NBEA: variants seen among roughly 807,000 people sequenced by gnomAD.
NBEA encodes the protein lysosomal-trafficking regulator 2.
NBEA carries 44 observed loss-of-function variants against 343.4 expected under a neutral mutation model. The observed-to-expected ratio is 0.13, with a 90% CI of 0.10 to 0.16. NBEA has a LOEUF of 0.16. NBEA is among the 10% of genes least tolerant of loss of function. The pLI is 1.00. For synonymous variants in NBEA, 1,175 were observed against 1,238.7 expected (o/e 0.95, Z 1.08); for missense variants, 2,555 against 3,631.3 (o/e 0.70, Z 7.62).
intron 38 of NBEA, among the ~76,000 whole-genome samples, chr13:35,355,599 A>G (rs2040448584): frequency 6.6e-6 from 1 of 152,074 alleles, no homozygotes; most frequent in Non-Finnish European, 1.5e-5. Flanking sequence ...ACTGAGGGGG[A>G]AAATAAGATC....
chr13:35,246,720 TC>T (rs1483635656), intron 34 of NBEA, among the ~76,000 whole-genome samples: 1 of 152,176 alleles, frequency 6.6e-6, no homozygotes, highest in African/African-American at 2.4e-5. Flanking sequence ...CTGAAGGTCC[TC>T]AGTTGTAGTT....
intron 1 of NBEA, among the ~76,000 whole-genome samples, chr13:35,039,627 A>T (rs1278797206): frequency 6.6e-6 from 1 of 152,360 alleles, no homozygotes; most frequent in East Asian, 1.9e-4. Context: ...TAATAGTGTC[A>T]TAATAGATGT....
intron 38 of NBEA, among the ~76,000 whole-genome samples, chr13:35,386,085 A>G (rs930385434): frequency 3.3e-5 from 5 of 152,128 alleles, no homozygotes; most frequent in African/African-American, 1.2e-4. Context: ...GATAAAATAA[A>G]TATGTTAAAA....
At chr13:35,178,133 A>G (rs556884216) in intron 28 of NBEA, among the ~76,000 whole-genome samples, 2 of 151,846 alleles carry the variant, frequency 1.3e-5, no homozygotes, top group African/African-American at 4.8e-5. Context: ...TCACTATTAA[A>G]TAAACTAAAA....
At chr13:35,529,335 G>A (rs1235793442) in intron 41 of NBEA, among the ~76,000 whole-genome samples, 2 of 152,150 alleles carry the variant, frequency 1.3e-5, no homozygotes, top group African/African-American at 2.4e-5. Context: ...AAGTAAGTGT[G>A]AGTGGGAGTC....
intron 1 of NBEA, among the ~76,000 whole-genome samples, chr13:34,964,688 A>G (rs1396088000): frequency 1.3e-5 from 2 of 151,942 alleles, no homozygotes; most frequent in African/African-American, 4.8e-5. Context: ...GCAGATACCT[A>G]TTTGTGTTTT....
At position 35,089,790 on chromosome 13, in the gene NBEA, C is replaced by G. The variant is rs1156929750; in HGVS notation, c.1572-8507C>G. Among the ~76,000 whole-genome samples the G allele has an allele frequency of 5.6e-4, 84 of 149,876 alleles. 1 individual carries two copies. Among genetic ancestry groups the G allele is most frequent in the Middle Eastern group, 6.8e-3 (2 of 292 alleles). ...ATGGATGAAATTGGAGATCATCATT[C>G]TCAGTAAACTATCACAAGAACAAAA... is the stretch of plus-strand genomic sequence containing the variant. On this transcript the variant is annotated intron_variant, in intron 10 of 58. Transcript: ENST00000379939.
intron 18 of NBEA, among the ~76,000 whole-genome samples, chr13:35,146,891 A>G (rs1593504852): frequency 6.6e-6 from 1 of 152,058 alleles, no homozygotes; most frequent in African/African-American, 2.4e-5. Flanking sequence ...CCCAAAGCCA[A>G]TTTCTGTGGT....
intron 48 of NBEA, among the ~76,000 whole-genome samples, chr13:35,615,430 G>A (rs913254142): frequency 2.0e-5 from 3 of 151,926 alleles, no homozygotes; most frequent in East Asian, 1.9e-4. Context: ...TGCAACCTCC[G>A]CCTCCTGGGT....
intron 43 of NBEA, among the ~76,000 whole-genome samples, chr13:35,552,224 G>A (rs2079361582): frequency 6.6e-6 from 1 of 152,082 alleles, no homozygotes. Context: ...TGAAAGACAG[G>A]GACTGTGTTT....
chr13:34,979,284 C>T (rs2060278356), intron 1 of NBEA, among the ~76,000 whole-genome samples: 1 of 152,126 alleles, frequency 6.6e-6, no homozygotes, highest in African/African-American at 2.4e-5. Flanking sequence ...CTTCGGGAGG[C>T]CAAGGCAGGC....
intron 1 of NBEA, among the ~76,000 whole-genome samples, chr13:34,985,596 A>G (rs958842168): frequency 5.3e-5 from 8 of 150,926 alleles, no homozygotes; most frequent in Non-Finnish European, 1.0e-4. Flanking sequence ...ATTAATTGGA[A>G]TAGTTTCAGA....
chr13:35,194,093 T>C (rs926546319), intron 30 of NBEA, among the ~76,000 whole-genome samples: 1 of 152,004 alleles, frequency 6.6e-6, no homozygotes, highest in African/African-American at 2.4e-5. Flanking sequence ...AAAAGTATTA[T>C]AAATTCACAC....
intron 1 of NBEA, among the ~76,000 whole-genome samples, chr13:34,947,911 G>T (rs530179711): frequency 1.3e-5 from 2 of 152,178 alleles, no homozygotes; most frequent in Non-Finnish European, 2.9e-5. Flanking sequence ...TTACCTGACT[G>T]TGTAGGCATT....
intron 39 of NBEA, among the ~76,000 whole-genome samples, chr13:35,451,546 TCCG>T (rs1165961979): frequency 4.6e-5 from 7 of 152,342 alleles, no homozygotes; most frequent in African/African-American, 1.4e-4. Flanking sequence ...CATTTCTAAC[TCCG>T]CCTTTCTGTA....
chr13:35,269,787 G>A (rs1259789643), intron 34 of NBEA, among the ~76,000 whole-genome samples: 2 of 152,116 alleles, frequency 1.3e-5, no homozygotes, highest in African/African-American at 4.8e-5. Context: ...CATTGGAGAT[G>A]TAAAAATGAA....
chr13:35,196,137 G>A lies in NBEA; in HGVS notation c.5201G>A (p.Ser1734Asn), dbSNP rs1593700923. 3 of 1,613,654 alleles carry A rather than the reference G, an allele frequency of 1.9e-6. No individual in the cohort carries two copies. Among genetic ancestry groups the A allele is most frequent in the Non-Finnish European group, 2.5e-6 (3 of 1,179,752 alleles). Reference sequence around the variant, plus strand: ...TTGAAGCCTGCAACATCCATATCTAGCATTAGTCAAACCAAAGGCATCAAT... The same window carrying A: ...TTGAAGCCTGCAACATCCATATCTAACATTAGTCAAACCAAAGGCATCAAT... ...ETLKPATSIS[S>N]ISQTKGINVK... is the part of the protein sequence containing the mutation. The change falls in exon 31 of 59, where the codon AGC becomes AAC. Residue 1734 changes from serine to asparagine, a missense_variant. Physicochemically the swap from Ser to Asn is conservative, Grantham distance 46 (BLOSUM62 1). Coordinates refer to ENST00000379939, the MANE Select transcript of NBEA (RefSeq NM_001385012.1).
chr13:35,555,620 A>G (rs1194598078), intron 44 of NBEA, among the ~76,000 whole-genome samples: 1 of 152,078 alleles, frequency 6.6e-6, no homozygotes, highest in Non-Finnish European at 1.5e-5. Context: ...TTGCAAATCA[A>G]AAGGAGGTAG....
At chr13:35,039,940 C>A (rs1171876470) in intron 1 of NBEA, among the ~76,000 whole-genome samples, 1 of 152,106 alleles carries the variant, frequency 6.6e-6, no homozygotes, top group Non-Finnish European at 1.5e-5. Context: ...ACATATACAT[C>A]TTTGTTCCTA....
Sources: allele counts gnomAD v4.1 joint callset (sites outside exome capture counted in the v4.1 genomes callset), GRCh38; gene constraint gnomAD v4.1.1; transcripts MANE v1.5; gene names NCBI Gene and HGNC (gene_info 2026-07-23, HGNC 2026-07-21).